PWWP2A: variants seen among roughly 807,000 people sequenced by gnomAD.
PWWP2A encodes PWWP domain containing 2A.
In PWWP2A, 18 loss-of-function variants were observed where a neutral mutation model predicts 48.5. That is an observed-to-expected ratio of 0.37 (90% CI 0.26 to 0.55). The LOEUF (loss-of-function observed/expected upper bound fraction) is 0.55, where lower values mean the gene tolerates loss of function less well. PWWP2A is among the 20% of genes least tolerant of loss of function. The pLI is 0.81. For missense variants in PWWP2A, 867 were observed against 976.4 expected, an observed-to-expected ratio of 0.89 and a Z score of 1.49; for synonymous variants, 396 against 387.7, an observed-to-expected ratio of 1.02 and a Z score of -0.25.
At chr5:160,096,969 G>A (rs766090494) in intron 1 of PWWP2A, among the ~76,000 whole-genome samples, 2 of 152,122 alleles carry the variant, frequency 1.3e-5, no homozygotes, top group African/African-American at 4.8e-5. Context: ...GTGAATACGC[G>A]GCAGCCATTT....
Position 160,078,137 on chromosome 5 carries a change from C to A in PWWP2A, c.*18G>T. 1 of 1,555,792 alleles carries A rather than the reference C, an allele frequency of 6.4e-7. No homozygotes were observed. The highest frequency in any genetic ancestry group is 8.7e-7 in the Non-Finnish European group (1 of 1,147,212). On this transcript the variant is annotated 3_prime_UTR_variant, in exon 4 of 4. Coordinates refer to the PWWP2A transcript ENST00000456329. This position sits in a 1 kb window ranked among gnomAD's most constrained non-coding sequence, Gnocchi z 4.2. The stretch of plus-strand genomic sequence containing the variant: ...TCTCTGTGTCATTGTGGTACAGGTC[C>A]ATGAAACCAGCAGCCTGCTAATGTC...
chr5:160,075,354 A>G (rs1176700818), downstream of PWWP2A, among the ~76,000 whole-genome samples: 2 of 152,112 alleles, frequency 1.3e-5, no homozygotes. Context: ...GCTTTTCTTG[A>G]ACAGAAAAAA....
At position 160,091,615 on chromosome 5, in the gene PWWP2A, T is replaced by C; in HGVS notation, c.*767A>G. The C allele has an allele frequency of 2.0e-6, 2 of 983,808 alleles. No individual in the cohort carries two copies. The highest frequency in any genetic ancestry group is 2.4e-6 in the Non-Finnish European group (2 of 829,332). 60.9% of individuals were successfully genotyped at this position (983,808 alleles called of 1,614,324 possible). A position where few individuals can be genotyped will look rare whatever the true frequency, so the allele number is the denominator to read the frequency against. On this transcript the variant is annotated 3_prime_UTR_variant, in exon 2 of 2. Transcript: ENST00000307063. ...ATCTGACCAAATTTAGCAATCACTATTTACAAATCCAAAATCAAACCTATC... is the reference window on the plus strand; with the variant it reads ...ATCTGACCAAATTTAGCAATCACTACTTACAAATCCAAAATCAAACCTATC...
chr5:160,071,789 C>T (rs1753744918), downstream of PWWP2A, among the ~76,000 whole-genome samples: 1 of 152,160 alleles, frequency 6.6e-6, no homozygotes, highest in Non-Finnish European at 1.5e-5. Context: ...ATGGTCGCTG[C>T]CAGCTGGATT....
chr5:160,101,656 A>ATT (rs55790564), intron 1 of PWWP2A, among the ~76,000 whole-genome samples: 50 of 149,392 alleles, frequency 3.3e-4, no homozygotes, highest in South Asian at 6.3e-4. Flanking sequence ...ACATTTTGTT[A>ATT]TTTTTTTTTT....
downstream of PWWP2A, among the ~76,000 whole-genome samples, chr5:160,060,768 G>A (rs962835253): frequency 2.0e-5 from 3 of 152,102 alleles, no homozygotes; most frequent in Admixed American, 6.6e-5. Context: ...CTCTGTCATC[G>A]GCACAAACAG....
intron 2 of PWWP2A, among the ~76,000 whole-genome samples, chr5:160,070,079 GTCTT>G (rs1753706017): frequency 6.6e-6 from 1 of 152,186 alleles, no homozygotes; most frequent in South Asian, 2.1e-4. Context: ...TCATATGGTG[GTCTT>G]TCTGTGTAGA....
chr5:160,074,686 C>T (rs188060095), downstream of PWWP2A, among the ~76,000 whole-genome samples: 5,073 of 150,738 alleles, frequency 0.034, 113 homozygotes, highest in East Asian at 0.1. Flanking sequence ...GCGGAGGTTG[C>T]AGTGAGCCAA....
chr5:160,048,720 C>G, the PWWP2A span, among the ~76,000 whole-genome samples: 1 of 152,140 alleles, frequency 6.6e-6, no homozygotes, highest in Non-Finnish European at 1.5e-5. Flanking sequence ...TTTCCCTTAA[C>G]TCTTTAATTT....
chr5:160,067,258 A>C (rs1753635605), intron 2 of PWWP2A, among the ~76,000 whole-genome samples: 1 of 152,122 alleles, frequency 6.6e-6, no homozygotes, highest in African/African-American at 2.4e-5. Context: ...TTAATTTTGT[A>C]TTATGAAAAC....
intron 1 of PWWP2A, among the ~76,000 whole-genome samples, chr5:160,095,843 C>T (rs754156474): frequency 2.6e-5 from 4 of 151,890 alleles, no homozygotes; most frequent in East Asian, 1.9e-4. Flanking sequence ...CACAGACACA[C>T]GTCACCATGC....
rs1312934032 is a variant in PWWP2A, at chr5:160,092,924, C to G, written c.1726G>C (p.Asp576His). Residue 576 changes from aspartate (D) to histidine (H), a missense_variant, in exon 2 of 2, where the codon GAC becomes CAC. This residue lies in a region of PWWP2A where 382 missense variants were observed against 407.2 expected (regional missense o/e 0.94). Transcript: ENST00000307063. ...CTACACACTGAAGCACTGGAAGAGTCAGATTTCTTTTGATTTAGGGTCATA... is the reference window on the plus strand; with the variant it reads ...CTACACACTGAAGCACTGGAAGAGTGAGATTTCTTTTGATTTAGGGTCATA... ...VYMTLNQKKS[D>H]SSSASVCSID... is the part of the protein sequence containing the mutation. 6.4e-7 allele frequency: 1 copy of G among 1,551,722 alleles called. No homozygotes were observed. Among genetic ancestry groups the G allele is most frequent in the East Asian group, 2.4e-5 (1 of 40,918 alleles).
At position 160,093,383 on chromosome 5, in the gene PWWP2A, T is replaced by A. The variant is rs756040427; in HGVS notation, c.1267A>T (p.Met423Leu). The change falls in exon 2 of 2, where the codon ATG (methionine) becomes TTG (leucine). Residue 423 changes from methionine to leucine, a missense_variant. Transcript: ENST00000307063. This position sits in a 1 kb window ranked among gnomAD's most constrained non-coding sequence, Gnocchi z 5.8. ...ACTTCCCGAGCTTTCGCATGATCCATGTTCTTACTCTGGAGAACTTTTTTA... is the reference window on the plus strand; with the variant it reads ...ACTTCCCGAGCTTTCGCATGATCCAAGTTCTTACTCTGGAGAACTTTTTTA... ...STKKVLQSKN[M>L]DHAKAREVLK... 6.2e-7 allele frequency: 1 copy of A among 1,613,818 alleles called. No homozygotes were observed. The highest frequency in any genetic ancestry group is 1.7e-5 in the Admixed American group (1 of 59,976).
chr5:160,072,783 C>G (rs181480223), downstream of PWWP2A, among the ~76,000 whole-genome samples: 181 of 151,620 alleles, frequency 1.2e-3, 1 homozygote, highest in African/African-American at 4.3e-3. Flanking sequence ...ATGGCAGGTG[C>G]CTGCATTCCA....
chr5:160,104,224 G>A (rs752741572), intron 1 of PWWP2A, among the ~76,000 whole-genome samples: 19 of 151,960 alleles, frequency 1.3e-4, no homozygotes, highest in Non-Finnish European at 2.2e-4. Flanking sequence ...AGGAGGTTGA[G>A]GCCAGGAATT....
At chr5:160,051,489 C>T in the PWWP2A span, among the ~76,000 whole-genome samples, 1 of 152,192 alleles carries the variant, frequency 6.6e-6, no homozygotes, top group Non-Finnish European at 1.5e-5. Context: ...CCACCAACCT[C>T]GATTTCAGAT....
Position 160,110,019 on chromosome 5 carries a change from C to CT in PWWP2A, c.584+8785dup, listed in dbSNP as rs1192761965. Among the ~76,000 whole-genome samples, 899 of 141,902 alleles carry CT rather than the reference C, an allele frequency of 6.3e-3. 9 individuals are homozygous for CT. The highest frequency in any genetic ancestry group is 7.6e-3 in the Non-Finnish European group (488 of 64,534). 93.1% of individuals were successfully genotyped at this position (141,902 alleles called of 152,430 possible). A position where few individuals can be genotyped will look rare whatever the true frequency, so the allele number is the denominator to read the frequency against. ...TCTTGAGCTATTAATTTTGACAGTC[C>CT]TTTTTTTTTTTCTTTTTTTGAGATA... On this transcript the variant is annotated intron_variant, in intron 1 of 1. Transcript: ENST00000307063.
In PWWP2A at chr5:160,119,040, G is replaced by A. The variant is rs377169979; in HGVS notation, c.349C>T (p.Pro117Ser). ...PQGGPELPPS[P>S]ASPPEQPPAP... ...GGGGGCTGCTCCGGCGGCGATGCAG[G>A]AGAAGGTGGAAGTTCCGGCCCTCCC... Residue 117 changes from proline to serine, a missense_variant, in exon 1 of 2, where the codon CCT (proline) becomes TCT (serine). By Grantham distance (74) the Pro-to-Ser change is moderately conservative (BLOSUM62 -1). This residue lies in a region of PWWP2A where 385 missense variants were observed against 396.9 expected (regional missense o/e 0.97). Transcript: ENST00000307063. 63 of 1,595,482 alleles carry A rather than the reference G, an allele frequency of 3.9e-5. No homozygotes were observed. Among genetic ancestry groups the A allele is most frequent in the Non-Finnish European group, 5.2e-5 (61 of 1,176,612 alleles).
At chr5:160,086,114 C>T (rs577619595) in intron 2 of PWWP2A, among the ~76,000 whole-genome samples, 3 of 152,300 alleles carry the variant, frequency 2.0e-5, no homozygotes, top group East Asian at 3.9e-4. Flanking sequence ...CCATCGCGCC[C>T]GGCCTTTATA....
Sources: allele counts gnomAD v4.1 joint callset (sites outside exome capture counted in the v4.1 genomes callset), GRCh38; gene constraint gnomAD v4.1.1; regional missense constraint gnomAD v4.1.1; non-coding constraint Gnocchi (gnomAD v3.1); transcripts MANE v1.5; gene names NCBI Gene and HGNC (gene_info 2026-07-23, HGNC 2026-07-21).